The following MEGF10 variants were observed in gnomAD, a reference collection of about 807,000 sequenced individuals.
MEGF10 encodes multiple epidermal growth factor-like domains protein 10.
A neutral mutation model predicts 147.5 loss-of-function variants in MEGF10; 86 were observed. That is an observed-to-expected ratio of 0.58 (90% CI 0.49 to 0.70). The LOEUF is 0.70. MEGF10 is among the 30% of genes least tolerant of loss of function. The pLI is 0.00. For synonymous variants in MEGF10, 478 were observed against 525.5 expected, an observed-to-expected ratio of 0.91 and a Z score of 1.24; for missense variants, 1,329 against 1,487.3, an observed-to-expected ratio of 0.89 and a Z score of 1.75.
At chr5:127,328,208 G>C (rs144655007) in intron 1 of MEGF10, among the ~76,000 whole-genome samples, 383 of 152,236 alleles carry the variant, frequency 2.5e-3, no homozygotes, top group African/African-American at 8.8e-3. Flanking sequence ...TTCTCAAACA[G>C]TTTTAACCAG....
chr5:127,344,185 A>T (rs180832683), intron 4 of MEGF10, among the ~76,000 whole-genome samples: 1 of 152,300 alleles, frequency 6.6e-6, no homozygotes, highest in East Asian at 1.9e-4. Flanking sequence ...CTAGACCCTA[A>T]AGATTATGTA....
chr5:127,238,701 T>G, the MEGF10 span, among the ~76,000 whole-genome samples: 76,407 of 152,020 alleles, frequency 0.5, 19,465 homozygotes, highest in Middle Eastern at 0.6. Context: ...TAATATCTTC[T>G]AATTGCTGTA....
chr5:127,247,232 A>G, the MEGF10 span, among the ~76,000 whole-genome samples: 4 of 146,462 alleles, frequency 2.7e-5, no homozygotes, highest in African/African-American at 7.5e-5. Flanking sequence ...GGAGAAAAAA[A>G]AACTCACAGA....
chr5:127,301,193 G>A (rs1046373194), intron 1 of MEGF10, among the ~76,000 whole-genome samples: 4 of 152,140 alleles, frequency 2.6e-5, no homozygotes, highest in African/African-American at 9.7e-5. Context: ...TGAGCCACAG[G>A]AGCAATACCT....
intron 5 of MEGF10, among the ~76,000 whole-genome samples, chr5:127,370,857 A>T (rs189705803): frequency 1.3e-5 from 2 of 152,218 alleles, no homozygotes; most frequent in Non-Finnish European, 2.9e-5. Context: ...ACTAAATTGT[A>T]ATGCGTGAAA....
chr5:127,322,850 C>T (rs892415756), intron 1 of MEGF10, among the ~76,000 whole-genome samples: 10 of 152,090 alleles, frequency 6.6e-5, no homozygotes, highest in African/African-American at 1.9e-4. Context: ...AGGAAATGCA[C>T]ACTGAAGTAT....
chr5:127,430,544 A>T (rs1765358264), intron 13 of MEGF10, among the ~76,000 whole-genome samples: 1 of 152,202 alleles, frequency 6.6e-6, no homozygotes, highest in African/African-American at 2.4e-5. Flanking sequence ...ACAATTAGAT[A>T]TTTATTTCTT....
chr5:127,412,927 A>G (rs755100196), intron 9 of MEGF10, among the ~76,000 whole-genome samples: 8 of 152,184 alleles, frequency 5.3e-5, no homozygotes, highest in Non-Finnish European at 1.0e-4. Flanking sequence ...TCCAGTATCT[A>G]GCAGGCTAGC....
At chr5:127,297,342 C>T (rs1302858630) in intron 1 of MEGF10, among the ~76,000 whole-genome samples, 1 of 151,700 alleles carries the variant, frequency 6.6e-6, no homozygotes, top group Non-Finnish European at 1.5e-5. Context: ...CTCTTGCCTT[C>T]GAGGAAAAAA....
the MEGF10 span, among the ~76,000 whole-genome samples, chr5:127,231,583 A>G: frequency 6.6e-6 from 1 of 152,236 alleles, no homozygotes; most frequent in Non-Finnish European, 1.5e-5. Flanking sequence ...TCTTCTTGAT[A>G]ATCTGTATAC....
At chr5:127,304,715 G>A (rs186928582) in intron 1 of MEGF10, among the ~76,000 whole-genome samples, 3 of 152,100 alleles carry the variant, frequency 2.0e-5, no homozygotes, top group Non-Finnish European at 4.4e-5. Flanking sequence ...GGCTGGTCTC[G>A]AACTCATGAC....
chr5:127,332,044 G>A (rs1761282737), intron 2 of MEGF10, among the ~76,000 whole-genome samples: 1 of 152,004 alleles, frequency 6.6e-6, no homozygotes, highest in African/African-American at 2.4e-5. Flanking sequence ...AACCAGAGCA[G>A]AGTTAGTACC....
rs886059877 is a variant in MEGF10, at chr5:127,460,880, C to T, written c.*3562C>T. Reference sequence around the variant, plus strand: ...TACATGCATATGCAAGTGTGAATTACGTGGTATGGATGTTTGCTTGTTTAT... The same window carrying T: ...TACATGCATATGCAAGTGTGAATTATGTGGTATGGATGTTTGCTTGTTTAT... On this transcript the variant is annotated 3_prime_UTR_variant, in exon 25 of 25. Transcript: ENST00000503335. The T allele has an allele frequency of 5.9e-5, 9 of 152,190 alleles. No homozygotes were observed. The South Asian group carries it at 6.2e-4, about 11-fold the overall frequency. 9.4% of individuals were successfully genotyped at this position (152,190 alleles called of 1,614,324 possible).
chr5:127,321,269 T>G (rs1419091387), intron 1 of MEGF10, among the ~76,000 whole-genome samples: 1 of 152,188 alleles, frequency 6.6e-6, no homozygotes, highest in Non-Finnish European at 1.5e-5. Context: ...CCTTCAACTC[T>G]AACATTCTGT....
the MEGF10 span, among the ~76,000 whole-genome samples, chr5:127,234,109 C>A: frequency 6.6e-6 from 1 of 152,162 alleles, no homozygotes; most frequent in Non-Finnish European, 1.5e-5. Flanking sequence ...TTGTGAAGCC[C>A]CCAGGATCCT....
chr5:127,419,930 G>T, intron 11 of MEGF10, 114 bp from the exon 12 acceptor site: 2 of 1,236,328 alleles, frequency 1.6e-6, no homozygotes, highest in Non-Finnish European at 2.2e-6. Context: ...CTGCTGCTGT[G>T]GCTGGGGCTT....
chr5:127,270,767 G>A, the MEGF10 span, among the ~76,000 whole-genome samples: 8 of 152,064 alleles, frequency 5.3e-5, no homozygotes, highest in African/African-American at 1.9e-4. Flanking sequence ...CCCCTGCCAT[G>A]TGCCCATGTG....
At chr5:127,277,626 G>A in the MEGF10 span, among the ~76,000 whole-genome samples, 1 of 152,188 alleles carries the variant, frequency 6.6e-6, no homozygotes, top group Admixed American at 6.5e-5. Flanking sequence ...TTTAGCTGTG[G>A]CACTGGGAGT....
chr5:127,229,354 C>G, the MEGF10 span: 1 of 152,158 alleles, frequency 6.6e-6, no homozygotes, highest in African/African-American at 2.4e-5. Flanking sequence ...GGTTCCCGCC[C>G]GGGCCCGCCG....
Sources: gnomAD v4.1 joint callset for allele counts (sites outside exome capture counted in the v4.1 genomes callset) on GRCh38, gnomAD v4.1.1 for gene constraint, MANE v1.5 for transcripts, NCBI Gene and HGNC (gene_info 2026-07-23, HGNC 2026-07-21) for gene names.